Variants in FAM153A observed in about 807,000 individuals in gnomAD.
FAM153A encodes family with sequence similarity 153 member A.
A neutral mutation model predicts 48.1 loss-of-function variants in FAM153A; 12 were observed. That is an observed-to-expected ratio of 0.25 (90% CI 0.16 to 0.40). FAM153A has a LOEUF of 0.40. FAM153A is among the 10% of genes least tolerant of loss of function. FAM153A has a pLI of 1.00. For synonymous variants in FAM153A, 36 were observed against 118.2 expected, an observed-to-expected ratio of 0.30 and a Z score of 4.51; for missense variants, 111 against 345.8, an observed-to-expected ratio of 0.32 and a Z score of 5.38.
downstream of FAM153A, among the ~76,000 whole-genome samples, chr5:177,721,541 CAG>C (rs1411012651): frequency 9.0e-6 from 1 of 111,332 alleles, no homozygotes; most frequent in Non-Finnish European, 1.8e-5. Context: ...TTTTTTAAGA[CAG>C]GGTCTTGCTC....
chr5:177,755,440 A>T (rs1169023753), upstream of FAM153A, among the ~76,000 whole-genome samples: 1 of 151,864 alleles, frequency 6.6e-6, no homozygotes, highest in African/African-American at 2.4e-5. Context: ...AACTTCCCCA[A>T]TCGAGCAAGG....
downstream of FAM153A, among the ~76,000 whole-genome samples, chr5:177,710,364 G>A (rs1023037809): frequency 6.6e-6 from 1 of 151,518 alleles, no homozygotes; most frequent in African/African-American, 2.4e-5. Context: ...CTCCTATCTT[G>A]GCCTCCCAAA....
chr5:177,705,546 A>G (rs942811324), downstream of FAM153A, among the ~76,000 whole-genome samples: 1 of 150,912 alleles, frequency 6.6e-6, no homozygotes, highest in Non-Finnish European at 1.5e-5. Flanking sequence ...ATAGATTAAC[A>G]CATTCCATTT....
intron 25 of FAM153A, chr5:177,713,934 ACT>A (rs1279736738): frequency 6.6e-6 from 1 of 151,834 alleles, no homozygotes; most frequent in Non-Finnish European, 1.5e-5. Flanking sequence ...GAAATACAAG[ACT>A]CAGATTTAGT....
downstream of FAM153A, chr5:177,721,941 G>T (rs1761121303): frequency 6.6e-6 from 1 of 150,600 alleles, no homozygotes; most frequent in Non-Finnish European, 1.5e-5. Flanking sequence ...TGAGGTAAAA[G>T]TCATTAAGAA....
the FAM153A span, among the ~76,000 whole-genome samples, chr5:177,697,254 A>C: frequency 6.6e-6 from 1 of 151,456 alleles, no homozygotes; most frequent in Non-Finnish European, 1.5e-5. Context: ...TGAATTGTTC[A>C]TTGCTGGTAT....
At chr5:177,701,207 G>A in the FAM153A span, among the ~76,000 whole-genome samples, 2 of 151,842 alleles carry the variant, frequency 1.3e-5, no homozygotes, top group African/African-American at 2.4e-5. Flanking sequence ...AGAAGCAGAA[G>A]CCACTATGCT....
chr5:177,760,383 C>A (rs1768213698), intron 1 of FAM153A, among the ~76,000 whole-genome samples: 1 of 75,552 alleles, frequency 1.3e-5, no homozygotes, highest in Non-Finnish European at 2.5e-5. Context: ...ACTACAGGCG[C>A]CCGCCACTGT....
chr5:177,696,048 G>A, the FAM153A span, among the ~76,000 whole-genome samples: 56 of 123,494 alleles, frequency 4.5e-4, no homozygotes, highest in Non-Finnish European at 6.2e-4. Flanking sequence ...GGGCAGAGGC[G>A]CTCCTCACTT....
intron 1 of FAM153A, among the ~76,000 whole-genome samples, chr5:177,776,664 C>G (rs1769340864): frequency 2.3e-5 from 1 of 44,350 alleles, no homozygotes; most frequent in African/African-American, 1.0e-4. Flanking sequence ...GAATCAATAT[C>G]GTGAAAATGG....
chr5:177,771,037 G>A (rs1174453048), intron 1 of FAM153A, among the ~76,000 whole-genome samples: 2 of 97,506 alleles, frequency 2.1e-5, no homozygotes, highest in African/African-American at 4.0e-5. Flanking sequence ...AGGACACAGT[G>A]GTAACCCTAA....
chr5:177,695,267 A>AT, the FAM153A span, among the ~76,000 whole-genome samples: 8 of 144,478 alleles, frequency 5.5e-5, no homozygotes, highest in Non-Finnish European at 9.1e-5. Flanking sequence ...TTTTTAAGCT[A>AT]TTTTTTTATT....
rs535503917 is a variant in FAM153A, at chr5:177,759,081, TA to T, written c.-56-10383del. ...AAATTTTTGCAATCTACTCACCTGA[TA>T]AAGGGCTAATATCCAGAATCTACAA... On this transcript the variant is annotated intron_variant, in intron 1 of 8. Transcript: ENST00000393518. 3.7e-4 allele frequency among the ~76,000 whole-genome samples: 56 copies of T among 151,832 alleles called. 1 individual carries two copies. The highest frequency in any genetic ancestry group is 1.2e-3 in the African/African-American group (50 of 41,218).
At chr5:177,707,576 T>G (rs865788269), downstream of FAM153A, among the ~76,000 whole-genome samples, 8 of 151,972 alleles carry the variant, frequency 5.3e-5, no homozygotes, top group South Asian at 6.2e-4. Flanking sequence ...TTCTTTCATT[T>G]GTAACAAAAT....
At chr5:177,709,129 A>AG (rs1561848068), downstream of FAM153A, among the ~76,000 whole-genome samples, 19 of 133,476 alleles carry the variant, frequency 1.4e-4, 1 homozygote, top group East Asian at 1.8e-3. Flanking sequence ...AAAAAAAAAA[A>AG]AAAGAAAGAA....
chr5:177,753,749 GAT>G (rs1352036581), upstream of FAM153A, among the ~76,000 whole-genome samples: 1 of 150,808 alleles, frequency 6.6e-6, no homozygotes, highest in East Asian at 1.9e-4. Flanking sequence ...AATAAAAAAA[GAT>G]ATGATTCAGT....
In FAM153A at chr5:177,732,776, C is replaced by T. The variant is rs1328734851; in HGVS notation, c.761-676G>A. On this transcript the variant is annotated intron_variant, in intron 14 of 20. Coordinates refer to ENST00000614127, the Ensembl canonical transcript of FAM153A. ...CTGCGCGCCTTGGCCTCCCAAAGTG[C>T]TGGGGTTACAGGCGTCAGTCACCAT... Among the ~76,000 whole-genome samples, 17 of 131,774 alleles carry T rather than the reference C, an allele frequency of 1.3e-4. No homozygotes were observed. The East Asian group carries it at 4.1e-3, about 32-fold the overall frequency. 86.4% of individuals were successfully genotyped at this position (131,774 alleles called of 152,430 possible).
downstream of FAM153A, among the ~76,000 whole-genome samples, chr5:177,705,693 C>CT (rs1757824666): frequency 2.8e-5 from 3 of 108,162 alleles, no homozygotes; most frequent in African/African-American, 1.1e-4. Flanking sequence ...TGAAGTCTTG[C>CT]TTGTCACCCA....
the FAM153A span, among the ~76,000 whole-genome samples, chr5:177,701,593 A>AAAAAAT: frequency 6.6e-6 from 1 of 150,504 alleles, no homozygotes; most frequent in Non-Finnish European, 1.5e-5. Context: ...TAAAAAATAA[A>AAAAAAT]TAAAATTACC....
Sources: gnomAD v4.1 joint callset for allele counts (sites outside exome capture counted in the v4.1 genomes callset) on GRCh38, gnomAD v4.1.1 for gene constraint, MANE v1.5 for transcripts, NCBI Gene and HGNC (gene_info 2026-07-23, HGNC 2026-07-21) for gene names.